NAALADL2: variants seen among roughly 807,000 people sequenced by gnomAD.
The protein encoded by NAALADL2 is N-acetylated alpha-linked acidic dipeptidase like 2.
In NAALADL2, 76 loss-of-function variants were observed where a neutral mutation model predicts 87.2. The ratio of observed to expected loss-of-function variants is 0.87; its 90% CI spans 0.72 to 1.05. NAALADL2 has a LOEUF of 1.05. NAALADL2 is among the 50% of genes least tolerant of loss of function. The probability of loss-of-function intolerance (pLI) is 0.00; values close to 1 mark genes in which losing one functional copy is unlikely to be tolerated. For synonymous variants in NAALADL2, 354 were observed against 331.0 expected, an observed-to-expected ratio of 1.07 and a Z score of -0.75; for missense variants, 1,089 against 945.8, an observed-to-expected ratio of 1.15 and a Z score of -1.99.
intron 2 of NAALADL2, among the ~76,000 whole-genome samples, chr3:175,101,546 T>TAC (rs1322461889): frequency 6.6e-6 from 1 of 152,252 alleles, no homozygotes; most frequent in Non-Finnish European, 1.5e-5. Context: ...AAATGACATA[T>TAC]ACACACACAT....
chr3:175,417,627 A>G (rs1714883782), intron 5 of NAALADL2, among the ~76,000 whole-genome samples: 1 of 152,120 alleles, frequency 6.6e-6, no homozygotes, highest in Non-Finnish European at 1.5e-5. Flanking sequence ...TTGGCACTGT[A>G]GTTTAAAAAT....
At chr3:174,990,637 C>T (rs550968732) in intron 1 of NAALADL2, among the ~76,000 whole-genome samples, 2 of 152,056 alleles carry the variant, frequency 1.3e-5, no homozygotes, top group Non-Finnish European at 2.9e-5. Context: ...CTGGGTCGTA[C>T]ATAGGAAAAA....
chr3:175,198,501 T>C (rs1739337384), intron 2 of NAALADL2, among the ~76,000 whole-genome samples: 1 of 152,174 alleles, frequency 6.6e-6, no homozygotes, highest in Non-Finnish European at 1.5e-5. Flanking sequence ...TATACAAATA[T>C]ATGAAATATA....
intron 4 of NAALADL2, among the ~76,000 whole-genome samples, chr3:175,270,418 A>AT (rs1472188910): frequency 6.6e-6 from 1 of 152,132 alleles, no homozygotes; most frequent in East Asian, 1.9e-4. Context: ...AAACTGACTG[A>AT]TTTTTTATAT....
chr3:174,453,869 C>T (rs1268815701), intron 1 of NAALADL2, among the ~76,000 whole-genome samples: 2 of 152,124 alleles, frequency 1.3e-5, no homozygotes, highest in African/African-American at 4.8e-5. Context: ...GCATGATAAC[C>T]AGCTAACACC....
At chr3:175,634,356 A>G (rs532995333) in intron 11 of NAALADL2, among the ~76,000 whole-genome samples, 2 of 152,082 alleles carry the variant, frequency 1.3e-5, no homozygotes, top group South Asian at 4.1e-4. Flanking sequence ...TGTTTGTATC[A>G]GTTGTTATAA....
intron 5 of NAALADL2, among the ~76,000 whole-genome samples, chr3:175,358,232 T>TC (rs1437320595): frequency 6.6e-6 from 1 of 152,188 alleles, no homozygotes; most frequent in Non-Finnish European, 1.5e-5. Flanking sequence ...AGGTTTTTTT[T>TC]CCTAATTTTG....
chr3:175,667,211 G>GAA (rs1351334594), intron 11 of NAALADL2, among the ~76,000 whole-genome samples: 21 of 121,574 alleles, frequency 1.7e-4, no homozygotes, highest in African/African-American at 8.2e-4. Context: ...AAGAAAGAAA[G>GAA]AAAGAAAGAA....
chr3:175,160,000 C>CT (rs58734561), intron 2 of NAALADL2, among the ~76,000 whole-genome samples: 67 of 134,098 alleles, frequency 5.0e-4, no homozygotes, highest in East Asian at 3.6e-3. Flanking sequence ...CCACTCGTGA[C>CT]TTTTTTTTTT....
intron 2 of NAALADL2, among the ~76,000 whole-genome samples, chr3:175,167,040 T>C (rs1734104365): frequency 6.6e-6 from 1 of 152,122 alleles, no homozygotes; most frequent in Admixed American, 6.6e-5. Context: ...ATTTAAGTTC[T>C]TTCTAGTGCT....
At chr3:174,698,841 G>A (rs1040753695) in intron 2 of NAALADL2, among the ~76,000 whole-genome samples, 1 of 95,806 alleles carries the variant, frequency 1.0e-5, no homozygotes, top group Non-Finnish European at 1.7e-5. Flanking sequence ...TCCAGCCTGG[G>A]TGACAGAGCG....
rs1410923991 is a variant in NAALADL2 at position 174,989,704 on chromosome 3, A to G, written c.44-107086A>G. ...ATAACTAAAATATAAGCCTGAGTCT[A>G]TAAGCCCTGAAAGAGGCAGTGCAGT... is the stretch of plus-strand genomic sequence containing the variant. On this transcript the variant is annotated intron_variant, in intron 1 of 13. Coordinates refer to ENST00000454872, the MANE Select transcript of NAALADL2 (RefSeq NM_207015.3). 5.3e-5 allele frequency among the ~76,000 whole-genome samples: 8 copies of G among 152,318 alleles called. No individual in the cohort carries two copies. The East Asian group carries it at 1.2e-3, about 22-fold the overall frequency.
At chr3:174,576,297 A>G (rs942834219) in intron 2 of NAALADL2, among the ~76,000 whole-genome samples, 2 of 152,158 alleles carry the variant, frequency 1.3e-5, no homozygotes, top group Non-Finnish European at 2.9e-5. Flanking sequence ...TAAGAAGGAA[A>G]ATTACATGAG....
chr3:174,751,325 A>C (rs1256656210), intron 3 of NAALADL2, among the ~76,000 whole-genome samples: 1 of 152,158 alleles, frequency 6.6e-6, no homozygotes, highest in African/African-American at 2.4e-5. Context: ...ATATTTTTGC[A>C]GAGGTCTATT....
At chr3:174,716,466 T>C (rs1300239241) in intron 2 of NAALADL2, among the ~76,000 whole-genome samples, 1 of 152,152 alleles carries the variant, frequency 6.6e-6, no homozygotes, top group Non-Finnish European at 1.5e-5. Flanking sequence ...ATACAGTCTA[T>C]ATCAGTAAAA....
At chr3:175,611,220 T>A (rs1488055298) in intron 10 of NAALADL2, among the ~76,000 whole-genome samples, 1 of 152,130 alleles carries the variant, frequency 6.6e-6, no homozygotes, top group Non-Finnish European at 1.5e-5. Flanking sequence ...GTACTTTGAT[T>A]AAGGCACTTT....
chr3:174,883,402 A>G lies in NAALADL2; in HGVS notation c.43+23952A>G, dbSNP rs554459595. 1.9e-4 allele frequency among the ~76,000 whole-genome samples: 29 copies of G among 152,230 alleles called. No homozygotes were observed. In the South Asian group the frequency reaches 5.0e-3, roughly 26 times the overall value. ...TCTTCATAATCTTCAAATAAAGACAATAAGAAGGTCATAATTACGCCTAAC... is the reference window on the plus strand; with the variant it reads ...TCTTCATAATCTTCAAATAAAGACAGTAAGAAGGTCATAATTACGCCTAAC... On this transcript the variant is annotated intron_variant, in intron 1 of 13. Transcript: ENST00000454872.
intron 3 of NAALADL2, among the ~76,000 whole-genome samples, chr3:174,800,630 C>T (rs1184418995): frequency 6.6e-6 from 1 of 152,138 alleles, no homozygotes; most frequent in Non-Finnish European, 1.5e-5. Context: ...CCTAGTAGAG[C>T]TGTGAGAAGA....
At chr3:175,464,529 C>T (rs1468613995) in intron 7 of NAALADL2, among the ~76,000 whole-genome samples, 2 of 152,090 alleles carry the variant, frequency 1.3e-5, no homozygotes, top group Non-Finnish European at 1.5e-5. Flanking sequence ...ATATTACTGT[C>T]TAATGTGCCT....
Sources: gnomAD v4.1 joint callset for allele counts (sites outside exome capture counted in the v4.1 genomes callset) on GRCh38, gnomAD v4.1.1 for gene constraint, MANE v1.5 for transcripts, NCBI Gene and HGNC (gene_info 2026-07-23, HGNC 2026-07-21) for gene names.